Variants in MARCHF3 observed in about 807,000 individuals in gnomAD.
The protein encoded by MARCHF3 is membrane associated ring-CH-type finger 3.
MARCHF3 carries 13 observed loss-of-function variants against 24.2 expected under a neutral mutation model. The observed-to-expected ratio is 0.54, with a 90% CI of 0.35 to 0.85. The LOEUF is 0.85. Ranked by LOEUF, MARCHF3 falls within the 40% of genes least tolerant of loss-of-function variation. The pLI is 0.01. For synonymous variants in MARCHF3, 144 were observed against 137.3 expected (o/e 1.05, Z -0.34); for missense variants, 276 against 325.0 (o/e 0.85, Z 1.16).
intron 1 of MARCHF3, among the ~76,000 whole-genome samples, chr5:127,005,629 A>G (rs937476875): frequency 3.9e-5 from 6 of 152,084 alleles, no homozygotes; most frequent in African/African-American, 2.4e-5. Flanking sequence ...ATTTTTTCTG[A>G]GAAGTGAGTA....
At chr5:127,017,169 G>A (rs1247846622) in intron 1 of MARCHF3, among the ~76,000 whole-genome samples, 5 of 152,142 alleles carry the variant, frequency 3.3e-5, no homozygotes, top group Non-Finnish European at 7.3e-5. Flanking sequence ...TGTAAATGAT[G>A]AGTTGATGGG....
At chr5:127,027,369 T>C (rs1238737651) in intron 1 of MARCHF3, among the ~76,000 whole-genome samples, 1 of 152,172 alleles carries the variant, frequency 6.6e-6, no homozygotes, top group Non-Finnish European at 1.5e-5. Flanking sequence ...ATATAGTCTG[T>C]AGTAGCCCAG....
chr5:126,870,540 G>A lies in MARCHF3; in HGVS notation c.*93C>T, dbSNP rs1752929769. 3.3e-6 allele frequency: 4 copies of A among 1,198,862 alleles called. No individual in the cohort carries two copies. In the Admixed American group the frequency reaches 5.8e-5, roughly 17 times the overall value. 74.3% of individuals were successfully genotyped at this position (1,198,862 alleles called of 1,614,324 possible). A position where few individuals can be genotyped will look rare whatever the true frequency, so the allele number is the denominator to read the frequency against. ...GATGTTCTTAGACCCACAGGCTTAAGGAAGGGCTTGGGGGTCGCTCAGTGC... is the reference window on the plus strand; with the variant it reads ...GATGTTCTTAGACCCACAGGCTTAAAGAAGGGCTTGGGGGTCGCTCAGTGC... On this transcript the variant is annotated 3_prime_UTR_variant, in exon 5 of 5. Coordinates refer to ENST00000308660, the MANE Select transcript of MARCHF3 (RefSeq NM_178450.5).
Position 126,870,405 on chromosome 5 carries a change from G to A in MARCHF3, c.*228C>T. Reference sequence around the variant, plus strand: ...CAGTATCTGCTAAATAAACATGTTTGGCAGCTTAGCAAATATCATATGATT... The same window carrying A: ...CAGTATCTGCTAAATAAACATGTTTAGCAGCTTAGCAAATATCATATGATT... On this transcript the variant is annotated 3_prime_UTR_variant, in exon 5 of 5. Transcript: ENST00000308660. The A allele has an allele frequency of 2.2e-6, 1 of 448,696 alleles. No homozygotes were observed. 27.8% of individuals were successfully genotyped at this position (448,696 alleles called of 1,614,324 possible). A position where few individuals can be genotyped will look rare whatever the true frequency, so the allele number is the denominator to read the frequency against.
chr5:126,983,722 AT>A (rs1561458887), intron 1 of MARCHF3, among the ~76,000 whole-genome samples: 1 of 151,948 alleles, frequency 6.6e-6, no homozygotes. Flanking sequence ...CCCTTCCCTC[AT>A]CCCTGACACT....
intron 1 of MARCHF3, among the ~76,000 whole-genome samples, chr5:126,943,540 G>A (rs1343891933): frequency 3.3e-5 from 5 of 150,526 alleles, no homozygotes; most frequent in Admixed American, 6.6e-5. Context: ...CTGTGATTGC[G>A]CCACTGCACT....
intron 1 of MARCHF3, among the ~76,000 whole-genome samples, chr5:127,024,073 A>T (rs922607172): frequency 2.6e-5 from 4 of 152,158 alleles, no homozygotes; most frequent in African/African-American, 9.7e-5. Flanking sequence ...AGGGGAGATG[A>T]CCTAGCCTAG....
chr5:126,913,546 TG>T (rs1754612068), intron 3 of MARCHF3, among the ~76,000 whole-genome samples: 1 of 152,368 alleles, frequency 6.6e-6, no homozygotes, highest in African/African-American at 2.4e-5. Flanking sequence ...TATGAATTTC[TG>T]AAAGTGGATG....
intron 1 of MARCHF3, among the ~76,000 whole-genome samples, chr5:127,018,792 A>G (rs796775266): frequency 2.6e-5 from 4 of 152,340 alleles, no homozygotes; most frequent in African/African-American, 9.6e-5. Flanking sequence ...AAGGGAAACC[A>G]TGGAGAGCAA....
chr5:126,893,360 T>C (rs1168526767), intron 3 of MARCHF3, among the ~76,000 whole-genome samples: 1 of 151,338 alleles, frequency 6.6e-6, no homozygotes, highest in Non-Finnish European at 1.5e-5. Context: ...CTTGCATTTC[T>C]AGTTCTTTTA....
chr5:126,973,411 C>A (rs1405636964), intron 1 of MARCHF3, among the ~76,000 whole-genome samples: 1 of 152,212 alleles, frequency 6.6e-6, no homozygotes, highest in Non-Finnish European at 1.5e-5. Flanking sequence ...AATTCCACCT[C>A]TCTGGGGTTC....
At chr5:126,936,560 A>G (rs1355342506) in intron 1 of MARCHF3, among the ~76,000 whole-genome samples, 2 of 152,220 alleles carry the variant, frequency 1.3e-5, no homozygotes, top group Non-Finnish European at 2.9e-5. Flanking sequence ...GTATATCAAT[A>G]TGTTAATAGT....
At chr5:126,928,537 C>T (rs932315053) in intron 1 of MARCHF3, among the ~76,000 whole-genome samples, 1 of 152,046 alleles carries the variant, frequency 6.6e-6, no homozygotes, top group Non-Finnish European at 1.5e-5. Flanking sequence ...AGTCAGAGGT[C>T]CTATCTTGCT....
At chr5:126,977,948 A>G (rs971842296) in intron 1 of MARCHF3, among the ~76,000 whole-genome samples, 3 of 152,244 alleles carry the variant, frequency 2.0e-5, no homozygotes, top group African/African-American at 7.2e-5. Context: ...GGCAGTATTA[A>G]GTAACTAACA....
chr5:126,977,979 G>T (rs1196728288), intron 1 of MARCHF3, among the ~76,000 whole-genome samples: 1 of 152,218 alleles, frequency 6.6e-6, no homozygotes, highest in African/African-American at 2.4e-5. Flanking sequence ...AGCAAAATTG[G>T]AGAAGCTGAG....
At position 126,956,111 on chromosome 5, in the gene MARCHF3, C is replaced by T. The variant is rs192925441; in HGVS notation, c.-56-37884G>A. On this transcript the variant is annotated intron_variant, in intron 1 of 4. Transcript: ENST00000308660. Reference sequence around the variant, plus strand: ...CCACATACATTTTGGAGATTGTTTTCGGAGTTTCTACACTGTTAAAATGAA... The same window carrying T: ...CCACATACATTTTGGAGATTGTTTTTGGAGTTTCTACACTGTTAAAATGAA... Among the ~76,000 whole-genome samples the T allele has an allele frequency of 2.8e-3, 426 of 152,202 alleles. 3 individuals are homozygous for T. The highest frequency in any genetic ancestry group is 0.027 in the Middle Eastern group (8 of 294).
intron 3 of MARCHF3, among the ~76,000 whole-genome samples, chr5:126,906,025 AG>A (rs1470872335): frequency 1.3e-5 from 2 of 151,576 alleles, no homozygotes; most frequent in Non-Finnish European, 2.9e-5. Flanking sequence ...TTTAGCATGA[AG>A]GGTTGTTGAA....
chr5:126,896,643 C>A (rs1160741053), intron 3 of MARCHF3, among the ~76,000 whole-genome samples: 1 of 152,058 alleles, frequency 6.6e-6, no homozygotes, highest in Non-Finnish European at 1.5e-5. Context: ...ACTAACAAAT[C>A]ATATCTACTG....
chr5:126,917,618 G>A (rs1561426023), intron 2 of MARCHF3, among the ~76,000 whole-genome samples: 3 of 152,122 alleles, frequency 2.0e-5, no homozygotes. Flanking sequence ...CTTTGACTCA[G>A]TCGCCTGAAA....
Sources: gnomAD v4.1 joint callset for allele counts (sites outside exome capture counted in the v4.1 genomes callset) on GRCh38, gnomAD v4.1.1 for gene constraint, MANE v1.5 for transcripts, NCBI Gene and HGNC (gene_info 2026-07-23, HGNC 2026-07-21) for gene names.